ADCY2: variants seen among roughly 807,000 people sequenced by gnomAD.
ADCY2 encodes the protein adenylate cyclase type 2.
In ADCY2, 31 loss-of-function variants were observed where a neutral mutation model predicts 125.2. That is an observed-to-expected ratio of 0.25 (90% confidence interval 0.19 to 0.33). The LOEUF (loss-of-function observed/expected upper bound fraction) is 0.33. Ranked by LOEUF, ADCY2 falls within the 10% of genes least tolerant of loss-of-function variation. The pLI is 1.00. For synonymous variants in ADCY2, 512 were observed against 548.4 expected (o/e 0.93, Z 0.93); for missense variants, 904 against 1,418.2 (o/e 0.64, Z 5.82).
At chr5:7,439,768 G>C (rs1302894780) in intron 2 of ADCY2, among the ~76,000 whole-genome samples, 1 of 152,158 alleles carries the variant, frequency 6.6e-6, no homozygotes, top group African/African-American at 2.4e-5. Context: ...TTGTGGAAGA[G>C]TCCAGGGCAC....
chr5:7,445,769 CTG>C lies in ADCY2; in HGVS notation c.408+31003_408+31004del, dbSNP rs201207913. Among the ~76,000 whole-genome samples the C allele has an allele frequency of 7.2e-4, 110 of 152,274 alleles. 1 individual carries two copies. The East Asian group carries it at 0.017, about 23-fold the overall frequency. The stretch of plus-strand genomic sequence containing the variant: ...ATTATGTAAAAGATATTTTCTAGCA[CTG>C]TGTCTTCTTTTTTTCATATTTTTGT... On this transcript the variant is annotated intron_variant, in intron 2 of 24. Transcript: ENST00000338316.
At chr5:7,436,258 G>A (rs1740796079) in intron 2 of ADCY2, among the ~76,000 whole-genome samples, 1 of 152,086 alleles carries the variant, frequency 6.6e-6, no homozygotes, top group Non-Finnish European at 1.5e-5. Flanking sequence ...CAGTGTCCAT[G>A]GCAACTTTAT....
At chr5:7,767,695 C>T (rs1478820431) in intron 17 of ADCY2, among the ~76,000 whole-genome samples, 1 of 151,724 alleles carries the variant, frequency 6.6e-6, no homozygotes, top group Non-Finnish European at 1.5e-5. Flanking sequence ...CCCTTCCCAT[C>T]ATTTAATTTC....
intron 19 of ADCY2, among the ~76,000 whole-genome samples, chr5:7,787,267 CA>C (rs1744112651): frequency 6.6e-6 from 1 of 152,162 alleles, no homozygotes; most frequent in Admixed American, 6.5e-5. Context: ...GCAGGGGCTT[CA>C]TCTTGGCCTC....
At chr5:7,776,909 G>T (rs776228715) in intron 18 of ADCY2, among the ~76,000 whole-genome samples, 1 of 152,146 alleles carries the variant, frequency 6.6e-6, no homozygotes, top group Non-Finnish European at 1.5e-5. Context: ...AGTACAGAAG[G>T]CTGCACTGTT....
At chr5:7,733,486 G>A (rs1312021061) in intron 14 of ADCY2, among the ~76,000 whole-genome samples, 1 of 152,150 alleles carries the variant, frequency 6.6e-6, no homozygotes, top group African/African-American at 2.4e-5. Flanking sequence ...TCCTGGGGCA[G>A]GCACAGGTTG....
intron 3 of ADCY2, among the ~76,000 whole-genome samples, chr5:7,555,739 C>T (rs548907631): frequency 2.6e-5 from 4 of 151,934 alleles, no homozygotes; most frequent in African/African-American, 9.7e-5. Context: ...TTGCATGTAT[C>T]TTTTCATGTA....
At chr5:7,700,719 CCACACACACACACACACACACACA>C (rs56197160) in intron 7 of ADCY2, among the ~76,000 whole-genome samples, 1 of 98,258 alleles carries the variant, frequency 1.0e-5, no homozygotes, top group African/African-American at 3.9e-5. Flanking sequence ...CTCGCACCCA[CCACACACACACACACACACACACA>C]CACACACACA....
chr5:7,693,471 T>C (rs1204109329), intron 5 of ADCY2, among the ~76,000 whole-genome samples: 3 of 144,224 alleles, frequency 2.1e-5, no homozygotes, highest in Non-Finnish European at 4.5e-5. Context: ...CAGGCTGGAG[T>C]GCAATGGTGC....
At chr5:7,496,280 A>G (rs1743343538) in intron 2 of ADCY2, among the ~76,000 whole-genome samples, 1 of 152,210 alleles carries the variant, frequency 6.6e-6, no homozygotes, top group Admixed American at 6.5e-5. Flanking sequence ...AAGCAACAAC[A>G]TTTTAATAAA....
At chr5:7,518,204 A>G (rs1242595020) in intron 2 of ADCY2, among the ~76,000 whole-genome samples, 1 of 152,168 alleles carries the variant, frequency 6.6e-6, no homozygotes, top group Admixed American at 6.5e-5. Context: ...TGCACAGCAC[A>G]CCACCAGTGT....
intron 24 of ADCY2, 130 bp from the exon 25 acceptor site, chr5:7,826,589 A>T: frequency 8.4e-7 from 1 of 1,196,542 alleles, no homozygotes; most frequent in Non-Finnish European, 1.2e-6. Context: ...TCACTTTTCT[A>T]CTAACTTCTC....
intron 2 of ADCY2, among the ~76,000 whole-genome samples, chr5:7,440,418 A>C (rs1740968717): frequency 6.6e-6 from 1 of 152,156 alleles, no homozygotes; most frequent in African/African-American, 2.4e-5. Flanking sequence ...TTTTTTCCCT[A>C]AGCTACTTTA....
At chr5:7,465,738 TATAG>T (rs1361523312) in intron 2 of ADCY2, among the ~76,000 whole-genome samples, 1 of 152,252 alleles carries the variant, frequency 6.6e-6, no homozygotes, top group East Asian at 1.9e-4. Flanking sequence ...TATGTGTGTG[TATAG>T]ATAGATCTAT....
In ADCY2 at chr5:7,673,256, A is replaced by AT. The variant is rs1280992557; in HGVS notation, c.721-17435_721-17434insT. Among the ~76,000 whole-genome samples the AT allele has an allele frequency of 1.4e-4, 7 of 48,298 alleles. No individual in the cohort carries two copies. The East Asian group carries it at 2.5e-3, about 17-fold the overall frequency. The allele number at this position is 48,298 out of a possible 152,430, so 31.7% of individuals were successfully genotyped here. On this transcript the variant is annotated intron_variant, in intron 4 of 24. Transcript: ENST00000338316. Reference sequence around the variant, plus strand: ...TGTCTCTCCAAAAAAAAAAAAAAAAAAAAAAAAAAAAAAATATATATATAT... The same window carrying AT: ...TGTCTCTCCAAAAAAAAAAAAAAAAATAAAAAAAAAAAAAATATATATATAT...
chr5:7,742,908 T>G (rs982670882), intron 14 of ADCY2, among the ~76,000 whole-genome samples: 2 of 152,192 alleles, frequency 1.3e-5, no homozygotes, highest in African/African-American at 4.8e-5. Context: ...ATTTCATCTT[T>G]GATGATTCAC....
chr5:7,690,968 C>G, intron 5 of ADCY2, 129 bp downstream of exon 5: 1 of 1,115,522 alleles, frequency 9.0e-7, no homozygotes, highest in Non-Finnish European at 1.2e-6. Context: ...GGGAAATAAT[C>G]ACACAGATTC....
chr5:7,477,520 A>G (rs1006415442), intron 2 of ADCY2, among the ~76,000 whole-genome samples: 1 of 151,842 alleles, frequency 6.6e-6, no homozygotes, highest in Non-Finnish European at 1.5e-5. Context: ...AGCAGGTGCC[A>G]GAAAAGACAG....
chr5:7,482,320 T>C (rs971255625), intron 2 of ADCY2, among the ~76,000 whole-genome samples: 2 of 152,168 alleles, frequency 1.3e-5, no homozygotes, highest in South Asian at 4.1e-4. Context: ...TGAGTTCTTT[T>C]TGTATTCTGG....
Sources: allele counts gnomAD v4.1 joint callset (sites outside exome capture counted in the v4.1 genomes callset), GRCh38; gene constraint gnomAD v4.1.1; transcripts MANE v1.5; gene names NCBI Gene and HGNC (gene_info 2026-07-23, HGNC 2026-07-21).